The following CENPW variants were observed in gnomAD, a reference collection of about 807,000 sequenced individuals.
CENPW encodes cancer-up-regulated gene 2 protein.
In CENPW, 3 loss-of-function variants were observed where a neutral mutation model predicts 11.1. The ratio of observed to expected loss-of-function variants is 0.27; its 90% confidence interval spans 0.12 to 0.70. The LOEUF (loss-of-function observed/expected upper bound fraction) is 0.70. Ranked by LOEUF, CENPW falls within the 30% of genes least tolerant of loss-of-function variation. The probability of loss-of-function intolerance (pLI) is 0.77; values close to 1 mark genes in which losing one functional copy is unlikely to be tolerated. For synonymous variants in CENPW, 38 were observed against 42.0 expected, an observed-to-expected ratio of 0.91 and a Z score of 0.37; for missense variants, 100 against 105.6, an observed-to-expected ratio of 0.95 and a Z score of 0.23.
chr6:126,468,107 T>C, the CENPW span, among the ~76,000 whole-genome samples: 1 of 152,010 alleles, frequency 6.6e-6, no homozygotes, highest in Admixed American at 6.6e-5. Flanking sequence ...CCTAAAGAGA[T>C]AGGGCAACTA....
the CENPW span, among the ~76,000 whole-genome samples, chr6:126,416,106 G>T: frequency 6.6e-6 from 1 of 152,196 alleles, no homozygotes; most frequent in Admixed American, 6.5e-5. Context: ...TGAAATCCAG[G>T]CTGAGGTGGT....
At chr6:126,425,737 C>A in the CENPW span, among the ~76,000 whole-genome samples, 1 of 151,460 alleles carries the variant, frequency 6.6e-6, no homozygotes, top group Non-Finnish European at 1.5e-5. Context: ...AAATATGCAT[C>A]ATCTGTACAC....
chr6:126,471,820 G>A, the CENPW span, among the ~76,000 whole-genome samples: 1 of 152,176 alleles, frequency 6.6e-6, no homozygotes, highest in African/African-American at 2.4e-5. Flanking sequence ...GTTTGGTAAT[G>A]TTCTGTTGCT....
the CENPW span, among the ~76,000 whole-genome samples, chr6:126,412,956 A>G: frequency 2.8e-4 from 42 of 152,210 alleles, no homozygotes; most frequent in Middle Eastern, 3.4e-3. Context: ...TGTTCTTCCT[A>G]TGATTTAGTA....
chr6:126,347,194 A>C (rs1199981303), intron 2 of CENPW, among the ~76,000 whole-genome samples: 1 of 152,182 alleles, frequency 6.6e-6, no homozygotes, highest in Non-Finnish European at 1.5e-5. Context: ...TTTCTGTAAG[A>C]ATATGTAAGA....
the CENPW span, among the ~76,000 whole-genome samples, chr6:126,405,790 G>A: frequency 3.3e-5 from 5 of 151,402 alleles, no homozygotes; most frequent in South Asian, 2.1e-4. Context: ...TCTTTTCCTC[G>A]TATTTCATTA....
chr6:126,389,820 A>G, the CENPW span, among the ~76,000 whole-genome samples: 11 of 151,912 alleles, frequency 7.2e-5, no homozygotes, highest in Admixed American at 2.0e-4. Flanking sequence ...CTCAGCTTAA[A>G]TAATGTGCCC....
downstream of CENPW, among the ~76,000 whole-genome samples, chr6:126,352,995 G>A (rs1027064511): frequency 6.6e-6 from 1 of 151,890 alleles, no homozygotes; most frequent in African/African-American, 2.4e-5. Flanking sequence ...TTTTACTAAA[G>A]ATTATAATCT....
At chr6:126,355,848 C>G in the CENPW span, among the ~76,000 whole-genome samples, 82 of 152,188 alleles carry the variant, frequency 5.4e-4, no homozygotes, top group African/African-American at 1.8e-3. Context: ...TTCTTTAGTA[C>G]TCAAAGTCCA....
the CENPW span, among the ~76,000 whole-genome samples, chr6:126,376,134 A>AT: frequency 8.5e-5 from 13 of 152,172 alleles, no homozygotes; most frequent in Middle Eastern, 3.2e-3. Flanking sequence ...TCACCTCAGC[A>AT]TCAAGCAAGA....
At chr6:126,378,485 A>G in the CENPW span, among the ~76,000 whole-genome samples, 1 of 151,258 alleles carries the variant, frequency 6.6e-6, no homozygotes, top group African/African-American at 2.4e-5. Flanking sequence ...TTTTTAACTA[A>G]TATTAACTTC....
chr6:126,436,885 G>A, the CENPW span, among the ~76,000 whole-genome samples: 1 of 151,698 alleles, frequency 6.6e-6, no homozygotes, highest in Admixed American at 6.6e-5. Context: ...CTAGATTAAC[G>A]TATTAATTCA....
chr6:126,421,567 C>A, the CENPW span, among the ~76,000 whole-genome samples: 1 of 146,452 alleles, frequency 6.8e-6, no homozygotes, highest in South Asian at 2.3e-4. Flanking sequence ...TAAATAGCAC[C>A]TTTTCTAACA....
chr6:126,405,412 G>A, the CENPW span, among the ~76,000 whole-genome samples: 2 of 151,980 alleles, frequency 1.3e-5, no homozygotes, highest in Non-Finnish European at 2.9e-5. Flanking sequence ...CTATAGTTTT[G>A]TGGTATATTT....
the CENPW span, among the ~76,000 whole-genome samples, chr6:126,447,198 A>G: frequency 6.6e-6 from 1 of 151,198 alleles, no homozygotes; most frequent in Non-Finnish European, 1.5e-5. Flanking sequence ...GCTTAGAATA[A>G]TGCCCAGGAA....
At chr6:126,355,570 C>T in the CENPW span, among the ~76,000 whole-genome samples, 2 of 151,956 alleles carry the variant, frequency 1.3e-5, no homozygotes, top group East Asian at 1.9e-4. Flanking sequence ...GTATCTTGTT[C>T]TTCCTGTGTT....
the CENPW span, among the ~76,000 whole-genome samples, chr6:126,429,126 T>G: frequency 6.6e-6 from 1 of 152,144 alleles, no homozygotes; most frequent in South Asian, 2.1e-4. Flanking sequence ...GTAAATAATG[T>G]CTTGATTAAT....
chr6:126,455,221 G>A, the CENPW span, among the ~76,000 whole-genome samples: 112 of 151,312 alleles, frequency 7.4e-4, no homozygotes, highest in Non-Finnish European at 1.2e-3. Flanking sequence ...ATTTTATAAG[G>A]CTAGCATCAT....
the CENPW span, among the ~76,000 whole-genome samples, chr6:126,454,630 C>G: frequency 6.6e-6 from 1 of 150,992 alleles, no homozygotes; most frequent in Non-Finnish European, 1.5e-5. Flanking sequence ...AGAAAGATCT[C>G]TAATTAATAA....
Sources: allele counts gnomAD v4.1 joint callset (sites outside exome capture counted in the v4.1 genomes callset), GRCh38; gene constraint gnomAD v4.1.1; transcripts MANE v1.5; gene names NCBI Gene and HGNC (gene_info 2026-07-23, HGNC 2026-07-21).